CDH13: variants seen among roughly 807,000 people sequenced by gnomAD.
The protein encoded by CDH13 is cadherin 13.
A neutral mutation model predicts 63.8 loss-of-function variants in CDH13; 24 were observed. The ratio of observed to expected loss-of-function variants is 0.38; its 90% CI spans 0.27 to 0.53. The LOEUF is 0.53. CDH13 is among the 20% of genes least tolerant of loss of function. CDH13 has a pLI of 0.85. For missense variants in CDH13, 1,049 were observed against 903.1 expected, an observed-to-expected ratio of 1.16 and a Z score of -2.07; for synonymous variants, 503 against 355.3, an observed-to-expected ratio of 1.42 and a Z score of -4.67.
At chr16:83,088,986 G>A (rs1286526654) in intron 3 of CDH13, among the ~76,000 whole-genome samples, 1 of 152,152 alleles carries the variant, frequency 6.6e-6, no homozygotes, top group African/African-American at 2.4e-5. Flanking sequence ...GGGCAGAATT[G>A]AGTAGTTGCA....
chr16:82,848,582 T>TG (rs35909991), intron 1 of CDH13, among the ~76,000 whole-genome samples: 6 of 148,946 alleles, frequency 4.0e-5, no homozygotes, highest in African/African-American at 1.5e-4. Flanking sequence ...TTTTTTTTTT[T>TG]GGGTGGGGGG....
intron 4 of CDH13, among the ~76,000 whole-genome samples, chr16:83,194,808 C>T (rs893207736): frequency 7.2e-5 from 11 of 152,122 alleles, no homozygotes; most frequent in African/African-American, 2.4e-4. Context: ...CACTTTGTGA[C>T]GGCCAGGCCT....
At chr16:83,010,157 A>AAAC (rs1555561347) in intron 2 of CDH13, among the ~76,000 whole-genome samples, 14 of 147,828 alleles carry the variant, frequency 9.5e-5, no homozygotes, top group African/African-American at 3.5e-4. Context: ...AAAAAAAAAA[A>AAAC]AAAAACAAGA....
intron 3 of CDH13, among the ~76,000 whole-genome samples, chr16:83,093,405 A>ACCT (rs2034028270): frequency 8.0e-6 from 1 of 124,720 alleles, no homozygotes; most frequent in East Asian, 2.7e-4. Context: ...TGCAACCTCC[A>ACCT]CCTCCCGGGT....
intron 4 of CDH13, among the ~76,000 whole-genome samples, chr16:83,217,111 A>G (rs2039559507): frequency 6.6e-6 from 1 of 152,174 alleles, no homozygotes; most frequent in African/African-American, 2.4e-5. Context: ...ACTGTATGTC[A>G]CCCGAGTGCT....
At chr16:82,881,140 G>C (rs1223774915) in intron 2 of CDH13, among the ~76,000 whole-genome samples, 1 of 152,098 alleles carries the variant, frequency 6.6e-6, no homozygotes, top group Non-Finnish European at 1.5e-5. Context: ...AAGGCATATA[G>C]CAAAGGGTGA....
Position 83,032,053 on chromosome 16 carries a change from G to A in CDH13, c.201G>A (p.Glu67=), listed in dbSNP as rs1237645186. ...AGGGAAACGACAAGCTACGCTATGA[G>A]GTCTCGAGCCCATACTTCAAGGTGA... ...DCKGNDKLRY[E]VSSPYFKVNS... The change falls in exon 3 of 14, where the codon GAG becomes GAA. Residue 67 remains glutamate, a synonymous_variant. Transcript: ENST00000567109. The A allele has an allele frequency of 2.5e-6, 4 of 1,608,512 alleles. No individual in the cohort carries two copies. Among genetic ancestry groups the A allele is most frequent in the Non-Finnish European group, 2.5e-6 (3 of 1,177,644 alleles).
chr16:82,974,053 C>T (rs921619030), intron 2 of CDH13, among the ~76,000 whole-genome samples: 6 of 151,980 alleles, frequency 3.9e-5, no homozygotes, highest in South Asian at 2.1e-4. Flanking sequence ...CCAAGTAATC[C>T]CTGGGATTAC....
intron 1 of CDH13, among the ~76,000 whole-genome samples, chr16:82,698,296 G>T (rs573186106): frequency 3.3e-4 from 51 of 152,332 alleles, no homozygotes; most frequent in African/African-American, 1.2e-3. Flanking sequence ...GTGAAAGCTG[G>T]TTGGGATTGC....
At chr16:82,703,522 G>A (rs1351995820) in intron 1 of CDH13, among the ~76,000 whole-genome samples, 1 of 152,182 alleles carries the variant, frequency 6.6e-6, no homozygotes, top group Non-Finnish European at 1.5e-5. Context: ...TCTCCAGGGA[G>A]AATGAGCTCC....
intron 4 of CDH13, among the ~76,000 whole-genome samples, chr16:83,178,388 T>G (rs1180461443): frequency 6.6e-6 from 1 of 152,180 alleles, no homozygotes; most frequent in Non-Finnish European, 1.5e-5. Context: ...TTAGATCCTG[T>G]CTGAAGTCCC....
intron 1 of CDH13, among the ~76,000 whole-genome samples, chr16:82,787,582 T>C (rs2036079490): frequency 6.6e-6 from 1 of 152,196 alleles, no homozygotes; most frequent in Non-Finnish European, 1.5e-5. Context: ...GCTAGACATA[T>C]GCATCACCTC....
chr16:82,771,266 T>C (rs1347447938), intron 1 of CDH13, among the ~76,000 whole-genome samples: 1 of 152,228 alleles, frequency 6.6e-6, no homozygotes, highest in African/African-American at 2.4e-5. Flanking sequence ...TACTTTGACT[T>C]ATCAATTAAT....
chr16:83,779,405 TCAAAAAAA>T lies in CDH13; in HGVS notation c.1682-562_1682-555del, dbSNP rs1342615325. 3.5e-4 allele frequency among the ~76,000 whole-genome samples: 24 copies of T among 67,810 alleles called. 1 individual carries two copies. The highest frequency in any genetic ancestry group is 1.4e-3 in the East Asian group (3 of 2,106). The allele number at this position is 67,810 out of a possible 152,430, so 44.5% of individuals were successfully genotyped here. A position where few individuals can be genotyped will look rare whatever the true frequency, so the allele number is the denominator to read the frequency against. Reference sequence around the variant, plus strand: ...CCGGGCGACAGCGCGAGACTCCATCTCAAAAAAAAAAAAAAAAAAAAAAAAAAAAAAAA... The same window carrying T: ...CCGGGCGACAGCGCGAGACTCCATCTAAAAAAAAAAAAAAAAAAAAAAAAA... On this transcript the variant is annotated intron_variant, in intron 11 of 13. Coordinates refer to ENST00000567109, the MANE Select transcript of CDH13 (RefSeq NM_001257.5).
At chr16:83,784,581 A>T (rs1304602857) in intron 13 of CDH13, among the ~76,000 whole-genome samples, 2 of 151,304 alleles carry the variant, frequency 1.3e-5, no homozygotes, top group African/African-American at 2.4e-5. Flanking sequence ...GCAGTGAGCC[A>T]AGATCATGCC....
intron 1 of CDH13, among the ~76,000 whole-genome samples, chr16:82,627,607 G>T (rs1404316711): frequency 2.6e-5 from 4 of 152,056 alleles, no homozygotes; most frequent in African/African-American, 9.7e-5. Context: ...CGGGGCTGGA[G>T]AGGCCGAGCA....
chr16:83,038,761 A>G (rs369348920), intron 3 of CDH13, among the ~76,000 whole-genome samples: 10 of 152,366 alleles, frequency 6.6e-5, no homozygotes, highest in South Asian at 2.1e-4. Context: ...TATCTGCCAT[A>G]TAAATGGGAT....
At chr16:82,956,262 T>C (rs896763210) in intron 2 of CDH13, among the ~76,000 whole-genome samples, 6 of 152,178 alleles carry the variant, frequency 3.9e-5, no homozygotes, top group African/African-American at 1.4e-4. Context: ...TACTTCTCTC[T>C]GACAGATTTG....
chr16:82,957,274 CT>C (rs1224956057), intron 2 of CDH13, among the ~76,000 whole-genome samples: 5 of 152,264 alleles, frequency 3.3e-5, no homozygotes, highest in Admixed American at 1.3e-4. Flanking sequence ...AGCTATTGGT[CT>C]TTCTTTGGGG....
Sources: gnomAD v4.1 joint callset for allele counts (sites outside exome capture counted in the v4.1 genomes callset) on GRCh38, gnomAD v4.1.1 for gene constraint, MANE v1.5 for transcripts, NCBI Gene and HGNC (gene_info 2026-07-23, HGNC 2026-07-21) for gene names.